SLC24A2: variants seen among roughly 807,000 people sequenced by gnomAD.
SLC24A2 encodes the protein sodium/potassium/calcium exchanger 2.
SLC24A2 carries 36 observed loss-of-function variants against 62.0 expected under a neutral mutation model. The ratio of observed to expected loss-of-function variants is 0.58; its 90% CI spans 0.44 to 0.77. The LOEUF (loss-of-function observed/expected upper bound fraction) is 0.77. Ranked by LOEUF, SLC24A2 falls within the 30% of genes least tolerant of loss-of-function variation. SLC24A2 has a pLI of 0.00. For synonymous variants in SLC24A2, 358 were observed against 294.0 expected, an observed-to-expected ratio of 1.22 and a Z score of -2.23; for missense variants, 846 against 817.9, an observed-to-expected ratio of 1.03 and a Z score of -0.42.
the SLC24A2 span, among the ~76,000 whole-genome samples, chr9:19,849,659 G>A: frequency 6.6e-6 from 1 of 152,166 alleles, no homozygotes; most frequent in African/African-American, 2.4e-5. Context: ...CAACGTGTAG[G>A]CTATAGCCTA....
At chr9:19,605,556 C>CGAT (rs1563993688) in intron 4 of SLC24A2, among the ~76,000 whole-genome samples, 2 of 152,114 alleles carry the variant, frequency 1.3e-5, no homozygotes, top group Admixed American at 6.5e-5. Flanking sequence ...ATAGGTATAC[C>CGAT]AGGACCTGAA....
At chr9:19,833,953 C>T in the SLC24A2 span, among the ~76,000 whole-genome samples, 4 of 152,204 alleles carry the variant, frequency 2.6e-5, no homozygotes, top group Non-Finnish European at 5.9e-5. Context: ...ACTGCTGATA[C>T]CCAGGCAAAC....
chr9:19,932,984 G>C, the SLC24A2 span, among the ~76,000 whole-genome samples: 2 of 152,346 alleles, frequency 1.3e-5, no homozygotes, highest in East Asian at 1.9e-4. Context: ...GGACTCCTTG[G>C]AATTTTTCTC....
At chr9:19,721,773 A>G (rs1397741858) in intron 2 of SLC24A2, among the ~76,000 whole-genome samples, 1 of 152,122 alleles carries the variant, frequency 6.6e-6, no homozygotes, top group African/African-American at 2.4e-5. Flanking sequence ...TTTTGAGAAT[A>G]GTTTCATCCT....
chr9:19,660,712 G>A (rs774674813), intron 2 of SLC24A2, among the ~76,000 whole-genome samples: 11 of 152,184 alleles, frequency 7.2e-5, no homozygotes, highest in Non-Finnish European at 1.5e-4. Context: ...TCCTGATTCG[G>A]AGACTCCATT....
chr9:19,528,974 A>AAT (rs1399767476), intron 8 of SLC24A2, among the ~76,000 whole-genome samples: 3 of 152,178 alleles, frequency 2.0e-5, no homozygotes, highest in Non-Finnish European at 4.4e-5. Context: ...AGACACTTGA[A>AAT]ATGCAGTGTT....
chr9:20,042,558 T>A, the SLC24A2 span, among the ~76,000 whole-genome samples: 1 of 152,226 alleles, frequency 6.6e-6, no homozygotes, highest in African/African-American at 2.4e-5. Context: ...GACATGGCCT[T>A]CCTTCTGGGT....
intron 10 of SLC24A2, among the ~76,000 whole-genome samples, chr9:19,520,245 T>C (rs893472841): frequency 1.3e-5 from 2 of 152,218 alleles, no homozygotes; most frequent in African/African-American, 4.8e-5. Context: ...TAAGTTTATT[T>C]GTCAGACTAT....
chr9:20,275,294 G>A, the SLC24A2 span, among the ~76,000 whole-genome samples: 12 of 152,032 alleles, frequency 7.9e-5, no homozygotes, highest in Non-Finnish European at 1.8e-4. Flanking sequence ...ACAGGAAATG[G>A]CTCACTCACA....
the SLC24A2 span, among the ~76,000 whole-genome samples, chr9:20,265,392 AT>A: frequency 6.6e-6 from 1 of 152,204 alleles, no homozygotes. Flanking sequence ...AATTGTGAAG[AT>A]TTCATGGACA....
the SLC24A2 span, among the ~76,000 whole-genome samples, chr9:19,960,109 G>A: frequency 6.6e-6 from 1 of 152,142 alleles, no homozygotes; most frequent in Admixed American, 6.6e-5. Flanking sequence ...CAGAAGGAGT[G>A]GCTAGAGCAG....
the SLC24A2 span, among the ~76,000 whole-genome samples, chr9:19,955,300 CA>C: frequency 6.7e-6 from 1 of 149,082 alleles, no homozygotes; most frequent in African/African-American, 2.5e-5. Context: ...TGTAAAGATT[CA>C]ACAAAAAAAT....
chr9:19,930,437 G>A, the SLC24A2 span, among the ~76,000 whole-genome samples: 1 of 152,098 alleles, frequency 6.6e-6, no homozygotes, highest in Non-Finnish European at 1.5e-5. Context: ...GTGTGTAGGT[G>A]GCTACACCAT....
At chr9:19,555,815 G>T (rs1172116075) in intron 7 of SLC24A2, among the ~76,000 whole-genome samples, 1 of 152,076 alleles carries the variant, frequency 6.6e-6, no homozygotes, top group Admixed American at 6.5e-5. Context: ...TGTGATGACA[G>T]GTGCCTGTAA....
At chr9:19,614,988 G>T (rs1032325132) in intron 4 of SLC24A2, among the ~76,000 whole-genome samples, 3 of 151,998 alleles carry the variant, frequency 2.0e-5, no homozygotes, top group African/African-American at 7.3e-5. Context: ...TAAGATGGTG[G>T]CAGTTATAAG....
At position 19,786,002 on chromosome 9, in the gene SLC24A2, A is replaced by AT; in HGVS notation, c.864dup (p.Trp289MetfsTer10). On this transcript the variant is annotated frameshift_variant, in exon 2 of 11. Coordinates refer to ENST00000341998, the MANE Select transcript of SLC24A2 (RefSeq NM_020344.4). LOFTEE classifies it high-confidence loss of function. The surrounding 1 kb of genome is among the most constrained non-coding windows in gnomAD (Gnocchi z 5.0). ...TTGCGGTTTATCATTTGCTTCACCCATTTTTCTACTTGGACGTTGAATTTC... is the reference window on the plus strand; with the variant it reads ...TTGCGGTTTATCATTTGCTTCACCCATTTTTTCTACTTGGACGTTGAATTTC... The AT allele has an allele frequency of 6.2e-7, 1 of 1,614,042 alleles. No individual in the cohort carries two copies. Among genetic ancestry groups the AT allele is most frequent in the Non-Finnish European group, 8.5e-7 (1 of 1,179,928 alleles).
the SLC24A2 span, among the ~76,000 whole-genome samples, chr9:19,834,245 GAGA>G: frequency 6.6e-6 from 1 of 152,294 alleles, no homozygotes; most frequent in East Asian, 1.9e-4. Context: ...GACAAGCTGA[GAGA>G]AGAAGGCTTC....
chr9:19,983,043 T>G, the SLC24A2 span, among the ~76,000 whole-genome samples: 1 of 152,166 alleles, frequency 6.6e-6, no homozygotes, highest in African/African-American at 2.4e-5. Flanking sequence ...GAACAGCCAC[T>G]GTTAACATCA....
chr9:20,066,070 G>A, the SLC24A2 span, among the ~76,000 whole-genome samples: 1 of 152,144 alleles, frequency 6.6e-6, no homozygotes, highest in Non-Finnish European at 1.5e-5. Flanking sequence ...TCATTTGTAA[G>A]ATCTTAGGGA....
Sources: allele counts gnomAD v4.1 joint callset (sites outside exome capture counted in the v4.1 genomes callset), GRCh38; gene constraint gnomAD v4.1.1; non-coding constraint Gnocchi (gnomAD v3.1); transcripts MANE v1.5; gene names NCBI Gene and HGNC (gene_info 2026-07-23, HGNC 2026-07-21).